EPHA4: variants seen among roughly 807,000 people sequenced by gnomAD.
The protein encoded by EPHA4 is EPH receptor A4, also known as ephrin type-A receptor 4.
Under a neutral mutation model 108.3 loss-of-function variants are expected in EPHA4, and 19 were observed. That is an observed-to-expected ratio of 0.18 (90% CI 0.12 to 0.26). The LOEUF (loss-of-function observed/expected upper bound fraction) is 0.26, where lower values mean the gene tolerates loss of function less well. Ranked by LOEUF, EPHA4 falls within the 10% of genes least tolerant of loss-of-function variation. The probability of loss-of-function intolerance (pLI) is 1.00; values close to 1 mark genes in which losing one functional copy is unlikely to be tolerated. For synonymous variants in EPHA4, 449 were observed against 455.5 expected (o/e 0.99, Z 0.18); for missense variants, 917 against 1,254.0 (o/e 0.73, Z 4.06).
intron 8 of EPHA4, 80 bp from the exon 9 acceptor site, chr2:221,446,261 G>C (rs949509424): frequency 1.3e-6 from 1 of 795,784 alleles, no homozygotes; most frequent in African/African-American, 1.8e-5. Context: ...CAAATTCTTT[G>C]CTACTGTAAG....
intron 3 of EPHA4, among the ~76,000 whole-genome samples, chr2:221,526,681 T>C (rs1241344294): frequency 1.3e-5 from 2 of 151,696 alleles, no homozygotes; most frequent in Admixed American, 6.6e-5. Context: ...ACCCGCTCTC[T>C]ACTAGAAATA....
intron 8 of EPHA4, among the ~76,000 whole-genome samples, chr2:221,453,390 CA>C (rs1690843338): frequency 6.6e-6 from 1 of 152,168 alleles, no homozygotes; most frequent in African/African-American, 2.4e-5. Context: ...CACTCCCCCA[CA>C]TGCTCCTTGC....
At chr2:221,480,428 G>A (rs1026156404) in intron 5 of EPHA4, among the ~76,000 whole-genome samples, 2 of 152,142 alleles carry the variant, frequency 1.3e-5, no homozygotes, top group African/African-American at 4.8e-5. Context: ...TTCTCCAGAT[G>A]GTGCAGAAAT....
chr2:221,471,051 A>T (rs1317984393), intron 5 of EPHA4, among the ~76,000 whole-genome samples: 1 of 152,098 alleles, frequency 6.6e-6, no homozygotes, highest in Non-Finnish European at 1.5e-5. Context: ...TTCTATAGGC[A>T]TTATAAGAAT....
chr2:221,508,925 A>G (rs1352414925), intron 3 of EPHA4, among the ~76,000 whole-genome samples: 2 of 152,270 alleles, frequency 1.3e-5, no homozygotes, highest in African/African-American at 4.8e-5. Context: ...AGTATTAAAT[A>G]ACACAGTTAA....
intron 5 of EPHA4, among the ~76,000 whole-genome samples, chr2:221,463,302 C>T (rs1023980463): frequency 6.6e-6 from 1 of 152,194 alleles, no homozygotes; most frequent in African/African-American, 2.4e-5. Context: ...GTTGAATGAT[C>T]TGAGCTTTCC....
At chr2:221,476,771 C>G (rs1446512200) in intron 5 of EPHA4, among the ~76,000 whole-genome samples, 1 of 152,034 alleles carries the variant, frequency 6.6e-6, no homozygotes, top group Non-Finnish European at 1.5e-5. Context: ...CTCCATTATC[C>G]CACTCAAATA....
At chr2:221,563,290 C>T (rs1694521976) in intron 3 of EPHA4, among the ~76,000 whole-genome samples, 1 of 152,134 alleles carries the variant, frequency 6.6e-6, no homozygotes, top group South Asian at 2.1e-4. Flanking sequence ...CAACTTAATC[C>T]TAATTTCACA....
intron 3 of EPHA4, among the ~76,000 whole-genome samples, chr2:221,537,619 A>G (rs1261006198): frequency 6.6e-6 from 1 of 152,196 alleles, no homozygotes; most frequent in Non-Finnish European, 1.5e-5. Context: ...AAGACCACTC[A>G]TCTCTACAAA....
At chr2:221,538,904 C>T (rs116580239) in intron 3 of EPHA4, among the ~76,000 whole-genome samples, 142 of 152,274 alleles carry the variant, frequency 9.3e-4, no homozygotes, top group African/African-American at 3.3e-3. Context: ...CTGAATAGGA[C>T]TCTATGTACT....
At chr2:221,421,516 G>T (rs1689760812) in intron 17 of EPHA4, among the ~76,000 whole-genome samples, 1 of 152,212 alleles carries the variant, frequency 6.6e-6, no homozygotes. Flanking sequence ...CTAGGTTCAA[G>T]CCTCCTTCCA....
intron 8 of EPHA4, among the ~76,000 whole-genome samples, chr2:221,448,402 G>A (rs1031006644): frequency 5.3e-5 from 8 of 152,082 alleles, no homozygotes; most frequent in African/African-American, 1.2e-4. Context: ...GTAGTATTAC[G>A]TTTTATATCA....
chr2:221,531,502 T>C (rs1693512015), intron 3 of EPHA4, among the ~76,000 whole-genome samples: 2 of 151,878 alleles, frequency 1.3e-5, no homozygotes, highest in African/African-American at 4.8e-5. Flanking sequence ...AGTAGAAAAA[T>C]AAAAGACAGT....
At chr2:221,440,399 C>CT (rs1690381985) in intron 11 of EPHA4, among the ~76,000 whole-genome samples, 2 of 152,142 alleles carry the variant, frequency 1.3e-5, no homozygotes, top group African/African-American at 4.8e-5. Context: ...ACAGAGCCTC[C>CT]TTTTTAGAAA....
intron 3 of EPHA4, among the ~76,000 whole-genome samples, chr2:221,553,055 G>T (rs1172084502): frequency 6.6e-6 from 1 of 152,116 alleles, no homozygotes; most frequent in Non-Finnish European, 1.5e-5. Flanking sequence ...GAAAAAGGAG[G>T]GGTTGGGGAA....
intron 3 of EPHA4, among the ~76,000 whole-genome samples, chr2:221,562,908 C>A (rs905962169): frequency 1.8e-4 from 27 of 151,998 alleles, no homozygotes; most frequent in African/African-American, 6.5e-4. Context: ...ATACACTGAA[C>A]CTGAGGTGAG....
chr2:221,570,583 T>C (rs758804198), intron 1 of EPHA4, among the ~76,000 whole-genome samples: 7 of 152,166 alleles, frequency 4.6e-5, no homozygotes, highest in Non-Finnish European at 8.8e-5. Flanking sequence ...CCAAGCGATG[T>C]CTGTGGGCAG....
At chr2:221,424,874 T>A (rs1388170695) in intron 17 of EPHA4, among the ~76,000 whole-genome samples, 2 of 152,176 alleles carry the variant, frequency 1.3e-5, no homozygotes, top group Non-Finnish European at 2.9e-5. Flanking sequence ...ATAATAAATA[T>A]GTGTACCATG....
At chr2:221,547,212 G>A (rs1312335825) in intron 3 of EPHA4, among the ~76,000 whole-genome samples, 6 of 152,084 alleles carry the variant, frequency 3.9e-5, no homozygotes, top group Non-Finnish European at 8.8e-5. Flanking sequence ...TTCTGTAAAC[G>A]TTTAACAAAT....
Sources: gnomAD v4.1 joint callset for allele counts (sites outside exome capture counted in the v4.1 genomes callset) on GRCh38, gnomAD v4.1.1 for gene constraint, MANE v1.5 for transcripts, NCBI Gene and HGNC (gene_info 2026-07-23, HGNC 2026-07-21) for gene names.